Variants in KDM1B observed in about 807,000 individuals in gnomAD.
The protein encoded by KDM1B is lysine demethylase 1B, also known as lysine-specific histone demethylase 2.
A neutral mutation model predicts 107.4 loss-of-function variants in KDM1B; 63 were observed. The observed-to-expected ratio is 0.59, with a 90% CI of 0.48 to 0.72. The LOEUF is 0.72. KDM1B is among the 30% of genes least tolerant of loss of function. The probability of loss-of-function intolerance (pLI) is 0.00; values close to 1 mark genes in which losing one functional copy is unlikely to be tolerated. For missense variants in KDM1B, 749 were observed against 1,020.8 expected (o/e 0.73, Z 3.63); for synonymous variants, 363 against 363.9 (o/e 1.00, Z 0.03).
chr6:18,216,719 T>C (rs1233751318), intron 20 of KDM1B, among the ~76,000 whole-genome samples: 3 of 152,198 alleles, frequency 2.0e-5, no homozygotes, highest in Non-Finnish European at 4.4e-5. Flanking sequence ...GCCTGTCCAT[T>C]AGTCACTCAG....
At position 18,162,923 on chromosome 6, in the gene KDM1B, A is replaced by C. The variant is rs1198500277; in HGVS notation, c.304A>C (p.Ser102Arg). 1 of 1,585,576 alleles carries C rather than the reference A, an allele frequency of 6.3e-7. No individual in the cohort carries two copies. The highest frequency in any genetic ancestry group is 1.3e-5 in the African/African-American group (1 of 74,368). The change falls in exon 5 of 22, where the codon AGC (serine) becomes CGC (arginine). Residue 102 changes from serine (S) to arginine (R), a missense_variant and splice_region_variant. Physicochemically the swap from Ser to Arg is moderately radical, Grantham distance 110. Transcript: ENST00000650836. This position sits in a 1 kb window ranked among gnomAD's most constrained non-coding sequence, Gnocchi z 4.1. ...TGAATGCTTTGACCATTACTACAGA[A>C]GGTATGTTCACTAATTGTGTGAGGT... ...CNECFDHYYR[S>R]HKDGYDKYTT...
In KDM1B at chr6:18,210,342, C is replaced by T. The variant is rs139672626; in HGVS notation, c.1866+2136C>T. ...TCTTTCTTTTTTTTCTCTTTCTTTT[C>T]TTTTTTTTTTTTTTTTTTTTTTTTT... is the stretch of plus-strand genomic sequence containing the variant. On this transcript the variant is annotated intron_variant, in intron 17 of 21. Coordinates refer to ENST00000650836, the MANE Select transcript of KDM1B (RefSeq NM_001364614.2). Among the ~76,000 whole-genome samples the T allele has an allele frequency of 6.9e-3, 482 of 69,788 alleles. 1 individual carries two copies. Among genetic ancestry groups the T allele is most frequent in the African/African-American group, 0.015 (284 of 18,944 alleles). 45.8% of individuals were successfully genotyped at this position (69,788 alleles called of 152,430 possible).
In KDM1B at chr6:18,187,324, C is replaced by T. The variant is rs147706886; in HGVS notation, c.574-468C>T. Among the ~76,000 whole-genome samples the T allele has an allele frequency of 1.7e-3, 266 of 152,266 alleles. 1 individual carries two copies. Among genetic ancestry groups the T allele is most frequent in the African/African-American group, 5.7e-3 (237 of 41,552 alleles). ...TTTTTTAGTAGCCTTTGGCAAAAAG[C>T]GGTAATACTTACTACTTGGGAGCAT... On this transcript the variant is annotated intron_variant, in intron 8 of 21. Coordinates refer to ENST00000650836, the MANE Select transcript of KDM1B (RefSeq NM_001364614.2).
intron 5 of KDM1B, among the ~76,000 whole-genome samples, chr6:18,164,010 C>T (rs1258244762): frequency 6.6e-6 from 1 of 152,120 alleles, no homozygotes; most frequent in African/African-American, 2.4e-5. Context: ...TTACTCCTAC[C>T]TGATCTTTCA....
Position 18,203,476 on chromosome 6 carries a change from G to A in KDM1B, c.1531+1819G>A, listed in dbSNP as rs1350536199. Among the ~76,000 whole-genome samples, 1 of 152,132 alleles carries A rather than the reference G, an allele frequency of 6.6e-6. No homozygotes were observed. Among genetic ancestry groups the A allele is most frequent in the East Asian group, 1.9e-4 (1 of 5,192 alleles). ...CTCATCTTACCAGCACAAAGCTGGG[G>A]AAACTCAAATCTAAATACTAAGGGA... On this transcript the variant is annotated intron_variant, in intron 14 of 21. Coordinates refer to ENST00000650836, the MANE Select transcript of KDM1B (RefSeq NM_001364614.2). The surrounding 1 kb of genome is among the most constrained non-coding windows in gnomAD (Gnocchi z 5.5).
chr6:18,161,976 A>G (rs1785005201), intron 4 of KDM1B, among the ~76,000 whole-genome samples: 1 of 152,058 alleles, frequency 6.6e-6, no homozygotes, highest in Middle Eastern at 3.4e-3. Context: ...AAAATATTCA[A>G]TTAAGGGTTA....
chr6:18,207,568 T>C (rs1306798492), intron 16 of KDM1B, 39 bp downstream of exon 16: 11 of 1,610,872 alleles, frequency 6.8e-6, no homozygotes, highest in Non-Finnish European at 9.3e-6. Flanking sequence ...CTCGCCTTGT[T>C]TGGGGAGGAT....
intron 5 of KDM1B, among the ~76,000 whole-genome samples, chr6:18,163,284 T>A (rs879750311): frequency 6.6e-6 from 1 of 152,082 alleles, no homozygotes; most frequent in Non-Finnish European, 1.5e-5. Flanking sequence ...GGTCTCAAAC[T>A]CCTGGGCTCA....
intron 17 of KDM1B, among the ~76,000 whole-genome samples, chr6:18,208,521 T>C (rs893300995): frequency 2.1e-5 from 3 of 145,292 alleles, no homozygotes; most frequent in Non-Finnish European, 4.5e-5. Flanking sequence ...CAAGGCCAAG[T>C]AAGTTTGGGA....
Position 18,187,788 on chromosome 6 carries a change from G to C in KDM1B, c.574-4G>C. 6.5e-7 allele frequency: 1 copy of C among 1,542,098 alleles called. No individual in the cohort carries two copies. The highest frequency in any genetic ancestry group is 1.4e-5 in the African/African-American group (1 of 72,998). On this transcript the variant is annotated splice_region_variant and splice_polypyrimidine_tract_variant and intron_variant, in intron 8 of 21. Transcript: ENST00000650836. ...CTCTCTTCTTCCTGTCTGGCCCATT[G>C]CAGAGAGTATTGGAAGTTTCCAACC...
Position 18,161,353 on chromosome 6 carries a change from A to G in KDM1B, c.114A>G (p.Thr38=). 3.7e-6 allele frequency: 6 copies of G among 1,614,050 alleles called. No homozygotes were observed. The highest frequency in any genetic ancestry group is 5.1e-6 in the Non-Finnish European group (6 of 1,179,972). The part of the protein sequence containing the change: ...RQAKKKATET[T]DEDEDGGSEK... ...CGAAGAAGAAAGCAACAGAGACAAC[A>G]GATGAGGATGAAGATGGTGGCTCAG... Residue 38 remains threonine (T), a synonymous_variant, in exon 4 of 22, where the codon ACA becomes ACG. Transcript: ENST00000650836.
In KDM1B at chr6:18,214,228, G is replaced by A. The variant is rs1277223578; in HGVS notation, c.2109+447G>A. 6.6e-6 allele frequency among the ~76,000 whole-genome samples: 1 copy of A among 152,164 alleles called. No homozygotes were observed. The highest frequency in any genetic ancestry group is 1.5e-5 in the Non-Finnish European group (1 of 68,036). On this transcript the variant is annotated intron_variant, in intron 19 of 21. Transcript: ENST00000650836. This position sits in a 1 kb window ranked among gnomAD's most constrained non-coding sequence, Gnocchi z 4.4. The stretch of plus-strand genomic sequence containing the variant: ...GAGAATGGCATACCCAGAGCTGGAC[G>A]GGGGTGGTCACTTTCTCTGCCGTCA...
chr6:18,179,835 C>CGCT (rs1561921189), intron 7 of KDM1B, among the ~76,000 whole-genome samples: 11 of 71,532 alleles, frequency 1.5e-4, no homozygotes, highest in Non-Finnish European at 2.5e-4. Context: ...TTCAATTTAG[C>CGCT]ATTGGTTTTT....
At chr6:18,156,230 G>A (rs913492459) in intron 2 of KDM1B, among the ~76,000 whole-genome samples, 1 of 152,222 alleles carries the variant, frequency 6.6e-6, no homozygotes, top group African/African-American at 2.4e-5. Context: ...TTGGAGACCT[G>A]GAGGAGGGGT....
intron 7 of KDM1B, among the ~76,000 whole-genome samples, chr6:18,177,273 C>T (rs934780318): frequency 3.9e-5 from 6 of 151,948 alleles, no homozygotes; most frequent in African/African-American, 1.2e-4. Flanking sequence ...GTAGTAGCCT[C>T]GAATGATCTT....
intron 7 of KDM1B, among the ~76,000 whole-genome samples, chr6:18,178,577 G>T (rs546660121): frequency 6.6e-6 from 1 of 151,728 alleles, no homozygotes; most frequent in African/African-American, 2.4e-5. Flanking sequence ...TATTTTAGTA[G>T]AGACAGGGCT....
chr6:18,187,571 G>T (rs1021522516), intron 8 of KDM1B, among the ~76,000 whole-genome samples: 7 of 152,268 alleles, frequency 4.6e-5, no homozygotes, highest in Admixed American at 1.3e-4. Flanking sequence ...ATGTCAGAAA[G>T]AATTCTGTCT....
At chr6:18,183,096 G>A (rs149382829) in intron 7 of KDM1B, among the ~76,000 whole-genome samples, 9 of 152,136 alleles carry the variant, frequency 5.9e-5, no homozygotes, top group Non-Finnish European at 1.2e-4. Context: ...TTATATGTAA[G>A]GAGGAAAGAA....
intron 7 of KDM1B, among the ~76,000 whole-genome samples, chr6:18,183,712 A>C (rs897957429): frequency 6.6e-6 from 1 of 152,038 alleles, no homozygotes; most frequent in Non-Finnish European, 1.5e-5. Flanking sequence ...CTTTTCGCTC[A>C]ACATTAAGGT....
Sources: allele counts gnomAD v4.1 joint callset (sites outside exome capture counted in the v4.1 genomes callset), GRCh38; gene constraint gnomAD v4.1.1; non-coding constraint Gnocchi (gnomAD v3.1); transcripts MANE v1.5; gene names NCBI Gene and HGNC (gene_info 2026-07-23, HGNC 2026-07-21).